TP53BP1: variants seen among roughly 807,000 people sequenced by gnomAD.
TP53BP1 encodes the protein TP53-binding protein 1.
In TP53BP1, 61 loss-of-function variants were observed where a neutral mutation model predicts 200.8. The ratio of observed to expected loss-of-function variants is 0.30; its 90% confidence interval spans 0.25 to 0.38. The LOEUF (loss-of-function observed/expected upper bound fraction) is 0.38. TP53BP1 is among the 10% of genes least tolerant of loss of function. The pLI, the probability that TP53BP1 is intolerant of heterozygous loss-of-function variation, is 1.00. For missense variants in TP53BP1, 2,144 were observed against 2,371.9 expected (o/e 0.90, Z 2.00); for synonymous variants, 822 against 844.3 (o/e 0.97, Z 0.46).
intron 7 of TP53BP1, 134 bp from the exon 8 acceptor site, chr15:43,477,893 T>C: frequency 1.6e-6 from 1 of 638,686 alleles, no homozygotes; most frequent in Non-Finnish European, 2.5e-6. Flanking sequence ...TAATTATATA[T>C]TAAAAAGGAA....
chr15:43,451,793 T>C (rs563454460), intron 12 of TP53BP1, among the ~76,000 whole-genome samples: 1 of 152,332 alleles, frequency 6.6e-6, no homozygotes, highest in African/African-American at 2.4e-5. Flanking sequence ...TAGTTTACAG[T>C]CCCACCAACA....
Position 43,409,655 on chromosome 15 carries a change from C to T in TP53BP1, c.5392G>A (p.Glu1798Lys). The T allele has an allele frequency of 6.5e-7, 1 of 1,539,988 alleles. No individual in the cohort carries two copies. Among genetic ancestry groups the T allele is most frequent in the Non-Finnish European group, 8.8e-7 (1 of 1,141,972 alleles). ...GAGYILEDFN[E>K]AQCNTAYQCL... ...ACAAAGAAACTCCTCACCTGGGCTT[C>T]ATTGAAATCTTCAAGGATATAGCCA... Residue 1798 changes from glutamate to lysine, a missense_variant, in exon 25 of 28, where the codon GAA becomes AAA. This residue lies in a region of TP53BP1 where 334 missense variants were observed against 453.4 expected (regional missense o/e 0.74). Coordinates refer to ENST00000382044, the MANE Select transcript of TP53BP1 (RefSeq NM_001141980.3).
chr15:43,482,673 CAGG>C (rs2078990268), intron 4 of TP53BP1, among the ~76,000 whole-genome samples: 1 of 152,092 alleles, frequency 6.6e-6, no homozygotes, highest in South Asian at 2.1e-4. Context: ...GAGGCTGAGG[CAGG>C]AGAATTGCTT....
intron 24 of TP53BP1, among the ~76,000 whole-genome samples, 187 bp downstream of exon 24, chr15:43,412,932 G>A (rs1317112733): frequency 6.6e-6 from 1 of 152,198 alleles, no homozygotes; most frequent in African/African-American, 2.4e-5. Flanking sequence ...CTCACTGAGA[G>A]GAATTTTGTG....
intron 4 of TP53BP1, among the ~76,000 whole-genome samples, chr15:43,483,233 A>AAC (rs71431896): frequency 0.34 from 47,959 of 142,504 alleles, 8,188 homozygotes; most frequent in Admixed American, 0.46. Context: ...AAAAGTACAG[A>AAC]ACACACACAC....
chr15:43,461,673 ATTTTTT>A (rs113520136), intron 11 of TP53BP1, among the ~76,000 whole-genome samples: 1 of 145,450 alleles, frequency 6.9e-6, no homozygotes, highest in African/African-American at 2.5e-5. Flanking sequence ...TATACATTAT[ATTTTTT>A]TTTTTTTGAG....
chr15:43,493,702 C>T (rs2079160732), upstream of TP53BP1, among the ~76,000 whole-genome samples: 1 of 152,122 alleles, frequency 6.6e-6, no homozygotes, highest in Non-Finnish European at 1.5e-5. Flanking sequence ...TCTGCCAGGG[C>T]GTTTTTAGTA....
intron 7 of TP53BP1, 140 bp downstream of exon 7, chr15:43,479,257 A>G: frequency 1.2e-6 from 1 of 825,940 alleles, no homozygotes; most frequent in Admixed American, 2.9e-5. Flanking sequence ...CAACGTTTCC[A>G]ATGGACCACA....
rs2046042893 is a variant in TP53BP1, at chr15:43,446,438, C to T, written c.2989G>A (p.Val997Ile). The T allele has an allele frequency of 2.5e-6, 4 of 1,614,170 alleles. No homozygotes were observed. In the East Asian group the frequency reaches 6.7e-5, roughly 27 times the overall value. ...DDKLCLRMKL[V>I]SPETEASEES... ...TCACTCGCCTCAGTCTCAGGACTAACCAGTTTCATTCTTAGACATAATTTA... is the reference window on the plus strand; with the variant it reads ...TCACTCGCCTCAGTCTCAGGACTAATCAGTTTCATTCTTAGACATAATTTA... Residue 997 changes from valine to isoleucine, a missense_variant, in exon 14 of 28, where the codon GTT becomes ATT. Physicochemically the swap from Val to Ile is conservative, Grantham distance 29 (BLOSUM62 3). Coordinates refer to ENST00000382044, the MANE Select transcript of TP53BP1 (RefSeq NM_001141980.3).
chr15:43,458,924 T>C (rs868094314), intron 11 of TP53BP1, among the ~76,000 whole-genome samples: 1 of 152,220 alleles, frequency 6.6e-6, no homozygotes, highest in Non-Finnish European at 1.5e-5. Context: ...TCTTATAAAG[T>C]TGAACATTCA....
At chr15:43,479,584 C>T (rs577303283) in intron 6 of TP53BP1, 58 bp from the exon 7 acceptor site, 3 of 1,543,370 alleles carry the variant, frequency 1.9e-6, no homozygotes, top group East Asian at 4.5e-5. Flanking sequence ...ATACTAGATA[C>T]AGTCCCAGAT....
chr15:43,421,653 A>G (rs1299234253), intron 19 of TP53BP1: 5 of 709,220 alleles, frequency 7.1e-6, no homozygotes, highest in South Asian at 2.0e-5. Context: ...TGCTTTGCCA[A>G]TGAAGTCTAC....
At position 43,404,281 on chromosome 15, in the gene TP53BP1, T is replaced by C. The variant is rs2044780386; in HGVS notation, c.*3102A>G. The C allele has an allele frequency of 2.4e-5, 25 of 1,024,298 alleles. No individual in the cohort carries two copies. The South Asian group carries it at 3.9e-4, about 16-fold the overall frequency. 63.5% of individuals were successfully genotyped at this position (1,024,298 alleles called of 1,614,324 possible). On this transcript the variant is annotated 3_prime_UTR_variant, in exon 28 of 28. Coordinates refer to ENST00000382044, the MANE Select transcript of TP53BP1 (RefSeq NM_001141980.3). ...TTTTAGGAACTAATAGAAATAGGAA[T>C]GTGGGAAGGCCAGGTGGTTCTGTAG... is the stretch of plus-strand genomic sequence containing the variant.
At chr15:43,459,670 T>C (rs1028836087) in intron 11 of TP53BP1, among the ~76,000 whole-genome samples, 3 of 142,406 alleles carry the variant, frequency 2.1e-5, no homozygotes, top group Non-Finnish European at 4.6e-5. Context: ...CTTTTTTTTC[T>C]TTTTTTTTTT....
intron 8 of TP53BP1, among the ~76,000 whole-genome samples, chr15:43,476,514 A>G (rs2078884656): frequency 6.6e-6 from 1 of 152,240 alleles, no homozygotes; most frequent in South Asian, 2.1e-4. Context: ...AGGATTTATG[A>G]GCAGCCATTA....
At position 43,407,531 on chromosome 15, in the gene TP53BP1, G is replaced by A. The variant is rs200402089; in HGVS notation, c.5786C>T (p.Pro1929Leu). 206 of 1,614,058 alleles carry A rather than the reference G, an allele frequency of 1.3e-4. No homozygotes were observed. The highest frequency in any genetic ancestry group is 1.6e-4 in the Non-Finnish European group (183 of 1,180,034). ...LGVFDVVVTD[P>L]SCPASVLKCA... is the part of the protein sequence containing the mutation. ...CTTCAGCACCGAGGCTGGGCATGAG[G>A]GGTCCGTCACCACCACATCAAATAC... is the stretch of plus-strand genomic sequence containing the variant. The change falls in exon 28 of 28, where the codon CCC becomes CTC. Residue 1929 changes from proline (P) to leucine (L), a missense_variant. By Grantham distance (98) the Pro-to-Leu change is moderately conservative (BLOSUM62 -3). Coordinates refer to ENST00000382044, the MANE Select transcript of TP53BP1 (RefSeq NM_001141980.3).
chr15:43,432,675 C>A lies in TP53BP1; in HGVS notation c.3194G>T (p.Gly1065Val), dbSNP rs1431508036. The A allele has an allele frequency of 6.3e-7, 1 of 1,598,706 alleles. No individual in the cohort carries two copies. The highest frequency in any genetic ancestry group is 1.3e-5 in the African/African-American group (1 of 74,126). ...SEDPPTTPIRGNLLHFPSSQG... is the reference protein window; with the variant it reads ...SEDPPTTPIRVNLLHFPSSQG... ...AGAACTTGGAAAGTGGAGCAAGTTC[C>A]CCCTGAAAATGCAACATATAAAGAA... is the stretch of plus-strand genomic sequence containing the variant. The change falls in exon 17 of 28, where the codon GGG becomes GTG. Residue 1065 changes from glycine to valine, a missense_variant and splice_region_variant. Around this residue, in one of 4 missense-constraint regions of TP53BP1, gnomAD observed 1,700 missense variants for 1,710.3 expected, o/e 0.99. Transcript: ENST00000382044.
chr15:43,464,334 AT>A (rs1262323981), intron 11 of TP53BP1, among the ~76,000 whole-genome samples: 1 of 152,248 alleles, frequency 6.6e-6, no homozygotes, highest in Non-Finnish European at 1.5e-5. Context: ...GAGAAATGGT[AT>A]TTAAAAATAT....
intron 8 of TP53BP1, among the ~76,000 whole-genome samples, chr15:43,476,469 A>C (rs1216844436): frequency 6.6e-6 from 1 of 152,216 alleles, no homozygotes; most frequent in Non-Finnish European, 1.5e-5. Flanking sequence ...TAAATGCAGC[A>C]GTTTTCAAGA....
Sources: allele counts gnomAD v4.1 joint callset (sites outside exome capture counted in the v4.1 genomes callset), GRCh38; gene constraint gnomAD v4.1.1; regional missense constraint gnomAD v4.1.1; transcripts MANE v1.5; gene names NCBI Gene and HGNC (gene_info 2026-07-23, HGNC 2026-07-21).